The following WDFY3 variants were observed in gnomAD, a reference collection of about 807,000 sequenced individuals.
WDFY3 encodes WD repeat and FYVE domain-containing protein 3.
A neutral mutation model predicts 409.6 loss-of-function variants in WDFY3; 66 were observed. That is an observed-to-expected ratio of 0.16 (90% CI 0.13 to 0.20). The LOEUF is 0.20. Ranked by LOEUF, WDFY3 falls within the 10% of genes least tolerant of loss-of-function variation. WDFY3 has a pLI of 1.00. For missense variants in WDFY3, 3,031 were observed against 4,298.1 expected (o/e 0.71, Z 8.24); for synonymous variants, 1,521 against 1,537.1 (o/e 0.99, Z 0.25).
At chr4:84,833,929 T>C (rs1756173904) in intron 7 of WDFY3, among the ~76,000 whole-genome samples, 2 of 152,164 alleles carry the variant, frequency 1.3e-5, no homozygotes, top group South Asian at 4.1e-4. Context: ...AAAATATTTA[T>C]AAAATCAGTA....
chr4:84,900,786 C>A (rs1328864965), intron 2 of WDFY3, among the ~76,000 whole-genome samples: 2 of 152,080 alleles, frequency 1.3e-5, no homozygotes, highest in Non-Finnish European at 2.9e-5. Context: ...GCACATGTAT[C>A]AAAACCCATA....
At chr4:84,816,665 G>GA (rs1044980889) in intron 13 of WDFY3, among the ~76,000 whole-genome samples, 1 of 151,976 alleles carries the variant, frequency 6.6e-6, no homozygotes, top group Non-Finnish European at 1.5e-5. Flanking sequence ...ACTTCTAAAT[G>GA]AAAGTGAAAC....
intron 53 of WDFY3, among the ~76,000 whole-genome samples, chr4:84,706,622 G>C (rs114353088): frequency 6.6e-6 from 1 of 151,718 alleles, no homozygotes; most frequent in Non-Finnish European, 1.5e-5. Flanking sequence ...GAAGGCAGAG[G>C]AGAAAAAGAA....
intron 3 of WDFY3, among the ~76,000 whole-genome samples, chr4:84,893,300 T>A (rs959393605): frequency 6.6e-6 from 1 of 152,210 alleles, no homozygotes; most frequent in African/African-American, 2.4e-5. Flanking sequence ...CTACCTACCA[T>A]GGGAGACTCT....
intron 33 of WDFY3, among the ~76,000 whole-genome samples, chr4:84,756,174 G>A (rs1741405763): frequency 1.3e-5 from 2 of 152,144 alleles, no homozygotes; most frequent in Non-Finnish European, 2.9e-5. Context: ...CTATCATTAA[G>A]TAATTTTTTT....
chr4:84,864,482 C>A (rs1335287155), intron 3 of WDFY3, among the ~76,000 whole-genome samples: 1 of 151,924 alleles, frequency 6.6e-6, no homozygotes, highest in African/African-American at 2.4e-5. Flanking sequence ...ATTAACTCTA[C>A]CAATCCATGA....
intron 50 of WDFY3, 48 bp from the exon 51 acceptor site, chr4:84,713,287 G>T: frequency 6.6e-7 from 1 of 1,518,312 alleles, no homozygotes. Flanking sequence ...TCTCAGTCAG[G>T]ATCTAATGGG....
At chr4:84,702,964 C>T (rs1027967302) in intron 55 of WDFY3, among the ~76,000 whole-genome samples, 29 of 151,972 alleles carry the variant, frequency 1.9e-4, no homozygotes, top group Non-Finnish European at 3.5e-4. Context: ...GGCGAGGTGG[C>T]GGGCGCCTGT....
At chr4:84,688,013 CCCCA>C in intron 62 of WDFY3, 69 bp downstream of exon 62, 2 of 1,486,154 alleles carry the variant, frequency 1.3e-6, no homozygotes, top group Non-Finnish European at 1.8e-6. Context: ...TTCCCCTGAG[CCCCA>C]CCATTTTTAA....
At chr4:84,705,280 T>C in intron 54 of WDFY3, 114 bp downstream of exon 54, 1 of 780,498 alleles carries the variant, frequency 1.3e-6, no homozygotes, top group Non-Finnish European at 2.2e-6. Context: ...ATATAATACA[T>C]ATAGATATGA....
chr4:84,787,404 A>C (rs1747748441), intron 23 of WDFY3, 78 bp downstream of exon 23: 5 of 1,378,156 alleles, frequency 3.6e-6, no homozygotes, highest in African/African-American at 1.4e-5. Flanking sequence ...AATATGTATA[A>C]CCTCAGACAC....
chr4:84,921,037 T>A (rs1769201230), intron 2 of WDFY3, among the ~76,000 whole-genome samples: 2 of 152,034 alleles, frequency 1.3e-5, no homozygotes, highest in South Asian at 2.1e-4. Context: ...GTCCTAAATA[T>A]AGGTAGGAAA....
At chr4:84,716,805 T>A in intron 49 of WDFY3, 91 bp downstream of exon 49, 1 of 1,116,184 alleles carries the variant, frequency 9.0e-7, no homozygotes, top group Non-Finnish European at 1.1e-6. Context: ...TCTCAAAAAA[T>A]AAAAATAAAA....
rs746554971 is a variant in WDFY3 at position 84,672,938 on chromosome 4, C to T, written c.10511G>A (p.Arg3504His). ...IKRLKISSPV[R>H]VCQNCYYNLQ... ...GTTATAATAACAGTTCTGACAAACACGCACCGGGGATGAGATTTTCAAGCG... is the reference window on the plus strand; with the variant it reads ...GTTATAATAACAGTTCTGACAAACATGCACCGGGGATGAGATTTTCAAGCG... The change falls in exon 68 of 68, where the codon CGT becomes CAT. Residue 3504 changes from arginine to histidine, a missense_variant. Transcript: ENST00000295888. The T allele has an allele frequency of 8.1e-6, 13 of 1,613,936 alleles. 1 individual carries two copies. The highest frequency in any genetic ancestry group is 6.6e-5 in the South Asian group (6 of 91,076).
Position 84,801,749 on chromosome 4 carries a change from C to T in WDFY3, c.2723G>A (p.Cys908Tyr), listed in dbSNP as rs776804329. The T allele has an allele frequency of 3.7e-6, 6 of 1,613,842 alleles. No individual in the cohort carries two copies. Among genetic ancestry groups the T allele is most frequent in the African/African-American group, 1.3e-5 (1 of 74,912 alleles). Residue 908 changes from cysteine to tyrosine, a missense_variant, in exon 17 of 68, where the codon TGC becomes TAC. By Grantham distance (194) the Cys-to-Tyr change is radical. This residue lies in a region of WDFY3 where 1,322 missense variants were observed against 1,697.9 expected (regional missense o/e 0.78). Transcript: ENST00000295888. ...AGLHARLLQR[C>Y]SAALADEDHS... ...GTCCTCATCAGCCAATGCAGCACTGCACCTCTGCAGCAGTCGTGCATGAAG... is the reference window on the plus strand; with the variant it reads ...GTCCTCATCAGCCAATGCAGCACTGTACCTCTGCAGCAGTCGTGCATGAAG...
intron 66 of WDFY3, among the ~76,000 whole-genome samples, chr4:84,677,961 C>CAAAA (rs986393073): frequency 3.8e-4 from 8 of 21,176 alleles, no homozygotes; most frequent in African/African-American, 1.1e-3. Context: ...GACCCTGTCT[C>CAAAA]AAAAAAAAAA....
chr4:84,922,599 C>T (rs547544420), intron 2 of WDFY3, among the ~76,000 whole-genome samples: 1 of 152,074 alleles, frequency 6.6e-6, no homozygotes, highest in East Asian at 1.9e-4. Flanking sequence ...GCCAACAGTA[C>T]AGGAAGACAT....
chr4:84,850,928 G>GTTTTTTTTTTTTTT lies in WDFY3; in HGVS notation c.181-917_181-904dup, dbSNP rs869074191. The stretch of plus-strand genomic sequence containing the variant: ...TTCTTATTTTTAATTTTATTTATCT[G>GTTTTTTTTTTTTTT]TTTTTTTTTTTTTTTTTTTTTTTTT... On this transcript the variant is annotated intron_variant, in intron 4 of 67. Transcript: ENST00000295888. 3.2e-4 allele frequency among the ~76,000 whole-genome samples: 15 copies of GTTTTTTTTTTTTTT among 46,246 alleles called. 2 individuals carry two copies. Among genetic ancestry groups the GTTTTTTTTTTTTTT allele is most frequent in the East Asian group, 8.8e-4 (1 of 1,134 alleles). 30.3% of individuals were successfully genotyped at this position (46,246 alleles called of 152,430 possible). A position where few individuals can be genotyped will look rare whatever the true frequency, so the allele number is the denominator to read the frequency against.
chr4:84,960,472 T>C (rs1422623085), intron 1 of WDFY3, among the ~76,000 whole-genome samples: 3 of 152,202 alleles, frequency 2.0e-5, no homozygotes, highest in East Asian at 3.9e-4. Context: ...CACAAGACAT[T>C]CGTGTATGTA....
Sources: allele counts gnomAD v4.1 joint callset (sites outside exome capture counted in the v4.1 genomes callset), GRCh38; gene constraint gnomAD v4.1.1; regional missense constraint gnomAD v4.1.1; transcripts MANE v1.5; gene names NCBI Gene and HGNC (gene_info 2026-07-23, HGNC 2026-07-21).